RNGTT: variants seen among roughly 807,000 people sequenced by gnomAD.
RNGTT encodes RNA guanylyltransferase and 5'-phosphatase.
RNGTT carries 33 observed loss-of-function variants against 79.3 expected under a neutral mutation model. The ratio of observed to expected loss-of-function variants is 0.42; its 90% CI spans 0.32 to 0.56. RNGTT has a LOEUF of 0.56. Among genes scored for constraint, RNGTT ranks in the 20% least tolerant of loss-of-function variants. The pLI, the probability that RNGTT is intolerant of heterozygous loss-of-function variation, is 0.17. For missense variants in RNGTT, 497 were observed against 739.1 expected, an observed-to-expected ratio of 0.67 and a Z score of 3.80; for synonymous variants, 222 against 235.9, an observed-to-expected ratio of 0.94 and a Z score of 0.54.
chr6:88,909,081 G>A (rs1783750678), intron 4 of RNGTT, among the ~76,000 whole-genome samples: 1 of 152,214 alleles, frequency 6.6e-6, no homozygotes, highest in Non-Finnish European at 1.5e-5. Context: ...AGAAGAGTGT[G>A]GCATGGAAAC....
chr6:88,865,335 G>A (rs1782133271), intron 8 of RNGTT, among the ~76,000 whole-genome samples: 1 of 152,028 alleles, frequency 6.6e-6, no homozygotes, highest in Non-Finnish European at 1.5e-5. Flanking sequence ...AGAAGAGTTA[G>A]AGTTGGGGTT....
chr6:88,908,822 C>T (rs972366859), intron 4 of RNGTT, among the ~76,000 whole-genome samples: 1 of 152,160 alleles, frequency 6.6e-6, no homozygotes, highest in Non-Finnish European at 1.5e-5. Context: ...TCCACATGCC[C>T]CTTTGCCTGC....
At chr6:88,771,342 TATATATATACACAC>T (rs1246427382) in intron 12 of RNGTT, among the ~76,000 whole-genome samples, 92 of 129,960 alleles carry the variant, frequency 7.1e-4, no homozygotes, top group Middle Eastern at 3.9e-3. Flanking sequence ...TATATATATA[TATATATATACACAC>T]ACACACACAC....
At chr6:88,736,038 G>A (rs1470411303) in intron 13 of RNGTT, among the ~76,000 whole-genome samples, 1 of 151,998 alleles carries the variant, frequency 6.6e-6, no homozygotes. Flanking sequence ...GATAATAAAA[G>A]AACACTAAGA....
intron 12 of RNGTT, among the ~76,000 whole-genome samples, chr6:88,791,700 C>T (rs566445009): frequency 3.0e-4 from 45 of 152,038 alleles, no homozygotes; most frequent in East Asian, 7.8e-4. Context: ...CCACCACACC[C>T]GGCTAATTTT....
chr6:88,894,040 T>C (rs1165310748), intron 6 of RNGTT, among the ~76,000 whole-genome samples: 1 of 152,216 alleles, frequency 6.6e-6, no homozygotes, highest in Non-Finnish European at 1.5e-5. Context: ...GAAAGCAACC[T>C]GAAAATACCC....
In RNGTT at chr6:88,611,700, T is replaced by A. The variant is rs927805784; in HGVS notation, c.*1019A>T. The stretch of plus-strand genomic sequence containing the variant: ...TCTACACTTTGCCTCTGCATTTATC[T>A]AGCAGTGGGAGAGCATTTTCTGGTG... On this transcript the variant is annotated 3_prime_UTR_variant, in exon 16 of 16. Transcript: ENST00000369485. 6.6e-6 allele frequency: 1 copy of A among 152,636 alleles called. No individual in the cohort carries two copies. Among genetic ancestry groups the A allele is most frequent in the African/African-American group, 2.4e-5 (1 of 41,480 alleles). 9.5% of individuals were successfully genotyped at this position (152,636 alleles called of 1,614,324 possible). A position where few individuals can be genotyped will look rare whatever the true frequency, so the allele number is the denominator to read the frequency against.
rs1778649926 is a variant in RNGTT, at chr6:88,771,276, G to C, written c.1339-1402C>G. On this transcript the variant is annotated intron_variant, in intron 12 of 15. Transcript: ENST00000369485. ...CTACTTCAGCTTATTAATTTCTATGGTATGAAGCACAGGACTGTATGTATG... is the reference window on the plus strand; with the variant it reads ...CTACTTCAGCTTATTAATTTCTATGCTATGAAGCACAGGACTGTATGTATG... 1.5e-5 allele frequency among the ~76,000 whole-genome samples: 2 copies of C among 134,582 alleles called. 1 individual carries two copies. Among genetic ancestry groups the C allele is most frequent in the East Asian group, 4.5e-4 (2 of 4,420 alleles). The allele number at this position is 134,582 out of a possible 152,430, so 88.3% of individuals were successfully genotyped here. A position where few individuals can be genotyped will look rare whatever the true frequency, so the allele number is the denominator to read the frequency against.
intron 6 of RNGTT, among the ~76,000 whole-genome samples, chr6:88,902,016 A>G (rs1405336874): frequency 6.6e-6 from 1 of 152,068 alleles, no homozygotes; most frequent in Non-Finnish European, 1.5e-5. Flanking sequence ...ATACCTAACC[A>G]ATAATAGCTG....
intron 13 of RNGTT, among the ~76,000 whole-genome samples, chr6:88,727,028 G>T (rs1003188045): frequency 6.6e-6 from 1 of 152,016 alleles, no homozygotes; most frequent in African/African-American, 2.4e-5. Context: ...ATGTAAAAAG[G>T]AATGTTATAT....
In RNGTT at chr6:88,904,713, A is replaced by G; in HGVS notation, c.684+2T>C. ...ACCTATTATAATATTTTTAAACATTACCAGTTTTAACCGTTCTTTTCTCCT... is the reference window on the plus strand; with the variant it reads ...ACCTATTATAATATTTTTAAACATTGCCAGTTTTAACCGTTCTTTTCTCCT... On this transcript the variant is annotated splice_donor_variant, in intron 6 of 15. Coordinates refer to ENST00000369485, the MANE Select transcript of RNGTT (RefSeq NM_003800.5). LOFTEE classifies it high-confidence loss of function. 1 of 1,603,992 alleles carries G rather than the reference A, an allele frequency of 6.2e-7. No individual in the cohort carries two copies. Among genetic ancestry groups the G allele is most frequent in the Non-Finnish European group, 8.5e-7 (1 of 1,177,104 alleles).
At chr6:88,748,441 C>T (rs115419150) in intron 13 of RNGTT, among the ~76,000 whole-genome samples, 3,084 of 152,068 alleles carry the variant, frequency 0.02, 113 homozygotes, top group African/African-American at 0.069. Flanking sequence ...AACTCCCTCA[C>T]TTTCTTCAAC....
chr6:88,748,294 C>T (rs750063553), intron 13 of RNGTT, among the ~76,000 whole-genome samples: 1 of 152,062 alleles, frequency 6.6e-6, no homozygotes, highest in African/African-American at 2.4e-5. Flanking sequence ...ATACAGGGCC[C>T]GATCTCTTCT....
intron 15 of RNGTT, 121 bp from the exon 16 acceptor site, chr6:88,613,003 T>A: frequency 3.3e-6 from 3 of 897,850 alleles, no homozygotes; most frequent in Non-Finnish European, 4.9e-6. Flanking sequence ...CCCATTTGAG[T>A]GATGTGCTTC....
chr6:88,769,892 G>T lies in RNGTT; in HGVS notation c.1339-18C>A, dbSNP rs778814002. The T allele has an allele frequency of 1.3e-6, 2 of 1,538,972 alleles. No homozygotes were observed. Among genetic ancestry groups the T allele is most frequent in the East Asian group, 2.3e-5 (1 of 44,256 alleles). ...TTGTATTTCTAAAGCCAATTAAAAT[G>T]ATGACAATCGTTACTAAGAAGTTAA... is the stretch of plus-strand genomic sequence containing the variant. On this transcript the variant is annotated intron_variant, in intron 12 of 15. Coordinates refer to ENST00000369485, the MANE Select transcript of RNGTT (RefSeq NM_003800.5).
intron 12 of RNGTT, among the ~76,000 whole-genome samples, chr6:88,798,671 T>A (rs1046154463): frequency 6.6e-6 from 1 of 152,206 alleles, no homozygotes; most frequent in Admixed American, 6.5e-5. Context: ...GAAAATGACA[T>A]GATAACCTTA....
At chr6:88,814,618 T>C (rs1014721638) in intron 11 of RNGTT, among the ~76,000 whole-genome samples, 11 of 152,140 alleles carry the variant, frequency 7.2e-5, no homozygotes, top group Non-Finnish European at 1.3e-4. Flanking sequence ...TGAGTATTTG[T>C]TTTGTGGATA....
chr6:88,691,227 C>T (rs1015384788), intron 13 of RNGTT, among the ~76,000 whole-genome samples: 4 of 152,234 alleles, frequency 2.6e-5, no homozygotes, highest in Non-Finnish European at 5.9e-5. Context: ...GCACCTCCCC[C>T]TTTGCGCTCT....
At chr6:88,861,919 A>G (rs1782025895) in intron 8 of RNGTT, among the ~76,000 whole-genome samples, 1 of 152,122 alleles carries the variant, frequency 6.6e-6, no homozygotes, top group Non-Finnish European at 1.5e-5. Flanking sequence ...GTATATATAC[A>G]TAATAAGTAA....
Sources: gnomAD v4.1 joint callset for allele counts (sites outside exome capture counted in the v4.1 genomes callset) on GRCh38, gnomAD v4.1.1 for gene constraint, MANE v1.5 for transcripts, NCBI Gene and HGNC (gene_info 2026-07-23, HGNC 2026-07-21) for gene names.